The following NFXL1 variants were observed in gnomAD, a reference collection of about 807,000 sequenced individuals.
The protein encoded by NFXL1 is NF-X1-type zinc finger protein NFXL1.
NFXL1 carries 66 observed loss-of-function variants against 123.3 expected under a neutral mutation model. The observed-to-expected ratio is 0.54, with a 90% CI of 0.44 to 0.66. The LOEUF (loss-of-function observed/expected upper bound fraction) is 0.66. Ranked by LOEUF, NFXL1 falls within the 30% of genes least tolerant of loss-of-function variation. The pLI is 0.00. For missense variants in NFXL1, 944 were observed against 1,125.6 expected, an observed-to-expected ratio of 0.84 and a Z score of 2.31; for synonymous variants, 346 against 360.8, an observed-to-expected ratio of 0.96 and a Z score of 0.46.
intron 19 of NFXL1, among the ~76,000 whole-genome samples, chr4:47,856,973 C>G (rs1253643224): frequency 2.0e-5 from 3 of 152,140 alleles, no homozygotes; most frequent in Non-Finnish European, 4.4e-5. Flanking sequence ...CATTAGCTCA[C>G]CACTTATTCT....
At chr4:47,912,720 A>C (rs1286129540) in intron 2 of NFXL1, among the ~76,000 whole-genome samples, 2 of 142,384 alleles carry the variant, frequency 1.4e-5, no homozygotes, top group East Asian at 4.4e-4. Flanking sequence ...GGCCTCCCAA[A>C]GTGCTGGGAT....
chr4:47,878,380 T>C (rs1560591044), intron 17 of NFXL1, 145 bp downstream of exon 17: 1 of 618,206 alleles, frequency 1.6e-6, no homozygotes, highest in South Asian at 2.3e-5. Flanking sequence ...CCAGCTGTCT[T>C]AGGAAAGGAA....
At position 47,914,214 on chromosome 4, in the gene NFXL1, G is replaced by C; in HGVS notation, c.-2-9C>G. ...CCAGGAAGCTTCCATCCCTGCAAAG[G>C]AGAAAAAAAAAAAAAAGAGTGGAAG... On this transcript the variant is annotated splice_polypyrimidine_tract_variant and intron_variant, in intron 1 of 22. Coordinates refer to ENST00000507489, the MANE Select transcript of NFXL1 (RefSeq NM_001278624.2). 2.8e-6 allele frequency: 4 copies of C among 1,413,146 alleles called. No individual in the cohort carries two copies. In the South Asian group the frequency reaches 5.9e-5, roughly 21 times the overall value. The allele number at this position is 1,413,146 out of a possible 1,614,324, so 87.5% of individuals were successfully genotyped here. A position where few individuals can be genotyped will look rare whatever the true frequency, so the allele number is the denominator to read the frequency against.
rs578121023 is a variant in NFXL1 at position 47,895,649 on chromosome 4, G to T, written c.1329+874C>A. On this transcript the variant is annotated intron_variant, in intron 10 of 22. Coordinates refer to ENST00000507489, the MANE Select transcript of NFXL1 (RefSeq NM_001278624.2). ...TTAGGGCCTTGCTTTGGAGTATTTG[G>T]TTTAAGGTAATATTATAGTTACTTT... is the stretch of plus-strand genomic sequence containing the variant. Among the ~76,000 whole-genome samples the T allele has an allele frequency of 2.7e-3, 405 of 152,234 alleles. 2 individuals carry two copies. The highest frequency in any genetic ancestry group is 9.1e-3 in the African/African-American group (376 of 41,546).
intron 20 of NFXL1, 82 bp from the exon 21 acceptor site, chr4:47,852,024 TAGC>T: frequency 1.2e-6 from 1 of 809,818 alleles, no homozygotes; most frequent in Non-Finnish European, 2.2e-6. Flanking sequence ...GTTCATCTGA[TAGC>T]TTAAGGTTAT....
intron 12 of NFXL1, among the ~76,000 whole-genome samples, chr4:47,886,928 G>T (rs556008887): frequency 7.4e-4 from 112 of 152,174 alleles, no homozygotes; most frequent in South Asian, 2.3e-3. Flanking sequence ...CCTGATATTG[G>T]TTAGTAGCAA....
chr4:47,909,105 C>G (rs1376634679), intron 3 of NFXL1, among the ~76,000 whole-genome samples: 1 of 152,070 alleles, frequency 6.6e-6, no homozygotes, highest in Non-Finnish European at 1.5e-5. Flanking sequence ...GTAAGCACTA[C>G]AGTACTTACA....
intron 19 of NFXL1, among the ~76,000 whole-genome samples, chr4:47,855,555 A>G (rs1734360691): frequency 6.6e-6 from 1 of 151,938 alleles, no homozygotes; most frequent in Admixed American, 6.6e-5. Flanking sequence ...GGATATGATG[A>G]AAGCTGGAGC....
Position 47,855,201 on chromosome 4 carries a change from A to G in NFXL1, c.2317-38T>C. 5 of 1,186,880 alleles carry G rather than the reference A, an allele frequency of 4.2e-6. No individual in the cohort carries two copies. The South Asian group carries it at 6.6e-5, about 16-fold the overall frequency. The allele number at this position is 1,186,880 out of a possible 1,614,324, so 73.5% of individuals were successfully genotyped here. A position where few individuals can be genotyped will look rare whatever the true frequency, so the allele number is the denominator to read the frequency against. ...CAAAATAAAGCAATTACATACTTAC[A>G]TCTTGATCATACTCTAGTTTCCCCC... is the stretch of plus-strand genomic sequence containing the variant. On this transcript the variant is annotated intron_variant, in intron 19 of 22. Coordinates refer to ENST00000507489, the MANE Select transcript of NFXL1 (RefSeq NM_001278624.2).
At chr4:47,880,807 T>TAA (rs57880960) in intron 15 of NFXL1, among the ~76,000 whole-genome samples, 64 of 78,790 alleles carry the variant, frequency 8.1e-4, no homozygotes, top group Non-Finnish European at 6.7e-4. Flanking sequence ...AATTAATGAG[T>TAA]AAAAAAAAAA....
chr4:47,850,612 G>A (rs1014534458), intron 22 of NFXL1, among the ~76,000 whole-genome samples: 31 of 152,068 alleles, frequency 2.0e-4, no homozygotes, highest in South Asian at 6.2e-4. Context: ...TTATAATCCC[G>A]CATTTAAAGA....
At position 47,847,521 on chromosome 4, in the gene NFXL1, C is replaced by G. The variant is rs1401642692; in HGVS notation, c.*642G>C. 1 of 152,130 alleles carries G rather than the reference C, an allele frequency of 6.6e-6. No individual in the cohort carries two copies. The highest frequency in any genetic ancestry group is 2.4e-5 in the African/African-American group (1 of 41,420). 9.4% of individuals were successfully genotyped at this position (152,130 alleles called of 1,614,324 possible). ...GACACGCAAGTTTTACGAAACATGC[C>G]AACTTCAGTTAAAAGCTTCTTACAT... On this transcript the variant is annotated 3_prime_UTR_variant, in exon 23 of 23. Coordinates refer to ENST00000507489, the MANE Select transcript of NFXL1 (RefSeq NM_001278624.2).
intron 8 of NFXL1, among the ~76,000 whole-genome samples, 166 bp downstream of exon 8, chr4:47,898,588 AATG>A (rs1331420669): frequency 6.6e-6 from 1 of 152,184 alleles, no homozygotes; most frequent in Non-Finnish European, 1.5e-5. Context: ...AATAATTAAA[AATG>A]ATATTAAATT....
At chr4:47,898,498 A>G (rs549780056) in intron 8 of NFXL1, among the ~76,000 whole-genome samples, 30 of 152,288 alleles carry the variant, frequency 2.0e-4, no homozygotes, top group African/African-American at 6.5e-4. Context: ...GAAGGGGACA[A>G]GAGCTAGCAA....
rs1737101736 is a variant in NFXL1 at position 47,896,610 on chromosome 4, A to G, written c.1242T>C (p.Cys414=). 1 of 1,610,494 alleles carries G rather than the reference A, an allele frequency of 6.2e-7. No homozygotes were observed. Among genetic ancestry groups the G allele is most frequent in the Non-Finnish European group, 8.5e-7 (1 of 1,176,780 alleles). Residue 414 remains cysteine (C), a synonymous_variant, in exon 10 of 23, where the codon TGT becomes TGC. Transcript: ENST00000507489. ...SLPCTEDVPT[C]GDSCDKVLEC... ...CAAGTACTTTGTCACAACTGTCTCCACAAGTTGGTACATCTTCTGTACAAG... is the reference window on the plus strand; with the variant it reads ...CAAGTACTTTGTCACAACTGTCTCCGCAAGTTGGTACATCTTCTGTACAAG...
intron 9 of NFXL1, among the ~76,000 whole-genome samples, chr4:47,896,941 C>T (rs901236838): frequency 6.6e-6 from 1 of 152,062 alleles, no homozygotes; most frequent in Admixed American, 6.5e-5. Flanking sequence ...CTACATAAAC[C>T]ATTCATGAAT....
At chr4:47,853,127 A>G (rs1365374146) in intron 20 of NFXL1, among the ~76,000 whole-genome samples, 1 of 152,152 alleles carries the variant, frequency 6.6e-6, no homozygotes, top group African/African-American at 2.4e-5. Flanking sequence ...CCATCAGCTT[A>G]GAAGAGGATT....
At position 47,876,539 on chromosome 4, in the gene NFXL1, T is replaced by C. The variant is rs530525809; in HGVS notation, c.2080-1246A>G. ...GAGTGATGAGAAGTCAGATGAAAGT[T>C]GGGAAAGATAGTCAGGAGTTAGATC... On this transcript the variant is annotated intron_variant, in intron 17 of 22. Coordinates refer to ENST00000507489, the MANE Select transcript of NFXL1 (RefSeq NM_001278624.2). Among the ~76,000 whole-genome samples, 4 of 152,174 alleles carry C rather than the reference T, an allele frequency of 2.6e-5. No homozygotes were observed. In the East Asian group the frequency reaches 5.8e-4, roughly 22 times the overall value.
intron 12 of NFXL1, among the ~76,000 whole-genome samples, chr4:47,888,486 C>T (rs950546518): frequency 6.6e-6 from 1 of 151,662 alleles, no homozygotes. Context: ...ACATACTTTA[C>T]ATCAAGGAAA....
Sources: gnomAD v4.1 joint callset for allele counts (sites outside exome capture counted in the v4.1 genomes callset) on GRCh38, gnomAD v4.1.1 for gene constraint, MANE v1.5 for transcripts, NCBI Gene and HGNC (gene_info 2026-07-23, HGNC 2026-07-21) for gene names.